Variants in CTNNA3 observed in about 807,000 individuals in gnomAD.
CTNNA3 encodes catenin alpha 3.
Under a neutral mutation model 95.7 loss-of-function variants are expected in CTNNA3, and 76 were observed. That is an observed-to-expected ratio of 0.79 (90% CI 0.66 to 0.96). The LOEUF (loss-of-function observed/expected upper bound fraction) is 0.96. CTNNA3 is among the 40% of genes least tolerant of loss of function. The pLI is 0.00. For synonymous variants in CTNNA3, 431 were observed against 374.4 expected, an observed-to-expected ratio of 1.15 and a Z score of -1.74; for missense variants, 1,191 against 1,089.8, an observed-to-expected ratio of 1.09 and a Z score of -1.31.
chr10:66,877,018 C>T (rs1482327868), intron 7 of CTNNA3, among the ~76,000 whole-genome samples: 5 of 152,084 alleles, frequency 3.3e-5, no homozygotes, highest in African/African-American at 9.7e-5. Flanking sequence ...TTGCTCTCTG[C>T]CTTTCTCTGA....
intron 7 of CTNNA3, among the ~76,000 whole-genome samples, chr10:66,898,467 A>G (rs930373016): frequency 6.6e-6 from 1 of 152,192 alleles, no homozygotes; most frequent in African/African-American, 2.4e-5. Context: ...TCAAAACAGT[A>G]TGGTGCTGGC....
rs770043934 is a variant in CTNNA3, at chr10:66,926,939, T to C, written c.1048-151415A>G. ...TTTCCAGGTTTCAATGTAATTAGGCTACTGAGCGGATCAGCTGTAGCACTG... is the reference window on the plus strand; with the variant it reads ...TTTCCAGGTTTCAATGTAATTAGGCCACTGAGCGGATCAGCTGTAGCACTG... On this transcript the variant is annotated intron_variant, in intron 7 of 17. Transcript: ENST00000433211. 105 of 1,592,894 alleles carry C rather than the reference T, an allele frequency of 6.6e-5. No homozygotes were observed. In the Middle Eastern group the frequency reaches 6.7e-4, roughly 10 times the overall value.
At chr10:66,426,932 C>T (rs558132653) in intron 11 of CTNNA3, among the ~76,000 whole-genome samples, 12 of 151,998 alleles carry the variant, frequency 7.9e-5, no homozygotes, top group African/African-American at 2.9e-4. Context: ...TCTCTTTGTG[C>T]TATATATTTC....
chr10:66,809,559 A>G (rs1469543193), intron 7 of CTNNA3, among the ~76,000 whole-genome samples: 1 of 152,134 alleles, frequency 6.6e-6, no homozygotes, highest in African/African-American at 2.4e-5. Flanking sequence ...AATGGTGATT[A>G]ATTCCTTTTT....
At chr10:67,068,662 G>A (rs969693180) in intron 7 of CTNNA3, among the ~76,000 whole-genome samples, 3 of 152,132 alleles carry the variant, frequency 2.0e-5, no homozygotes, top group Admixed American at 1.3e-4. Flanking sequence ...AGGGGAGAGA[G>A]TTTTAATAAA....
intron 5 of CTNNA3, among the ~76,000 whole-genome samples, chr10:67,402,643 G>GC (rs1218354494): frequency 1.3e-5 from 2 of 152,158 alleles, no homozygotes; most frequent in African/African-American, 4.8e-5. Flanking sequence ...CCCCACCCCA[G>GC]CCAAGGAAGT....
chr10:66,419,309 A>G (rs1345143956), intron 11 of CTNNA3, among the ~76,000 whole-genome samples: 2 of 152,118 alleles, frequency 1.3e-5, no homozygotes. Context: ...CTAGCTACCA[A>G]AAAAATTACA....
At chr10:67,542,497 T>A (rs528898764) in intron 3 of CTNNA3, among the ~76,000 whole-genome samples, 1 of 152,072 alleles carries the variant, frequency 6.6e-6, no homozygotes, top group East Asian at 1.9e-4. Context: ...AATGAATATA[T>A]GAATGAACAT....
chr10:66,475,774 A>G (rs1214566442), intron 11 of CTNNA3, among the ~76,000 whole-genome samples: 3 of 152,082 alleles, frequency 2.0e-5, no homozygotes, highest in African/African-American at 4.8e-5. Context: ...GGAAATGTAA[A>G]TTAGTTGAAA....
At chr10:66,945,114 C>T (rs1009248854) in intron 7 of CTNNA3, among the ~76,000 whole-genome samples, 7 of 152,170 alleles carry the variant, frequency 4.6e-5, no homozygotes, top group Non-Finnish European at 1.0e-4. Flanking sequence ...CTCAGCTTGT[C>T]CTTTGGAGCT....
intron 14 of CTNNA3, among the ~76,000 whole-genome samples, chr10:66,087,166 C>T (rs2081015008): frequency 6.6e-6 from 1 of 151,964 alleles, no homozygotes; most frequent in South Asian, 2.1e-4. Flanking sequence ...CCTGGTCAAA[C>T]CAATCCCCTG....
chr10:66,735,964 T>C (rs186988508), intron 9 of CTNNA3, among the ~76,000 whole-genome samples: 1 of 152,350 alleles, frequency 6.6e-6, no homozygotes, highest in East Asian at 1.9e-4. Context: ...TTCTTACCCT[T>C]GCCTTGGGAA....
At chr10:67,188,414 G>A (rs1379151702) in intron 6 of CTNNA3, among the ~76,000 whole-genome samples, 1 of 152,132 alleles carries the variant, frequency 6.6e-6, no homozygotes, top group Non-Finnish European at 1.5e-5. Context: ...AGGATCATTT[G>A]AGCCTGGCAA....
At position 67,740,462 on chromosome 10, in the gene CTNNA3, G is replaced by GA. The variant is rs748957052; in HGVS notation, c.-2+22971dup. ...ACAATGAACTCGAACAAATGTACAA[G>GA]AAAAAAACAAACAACCCCATCAAAA... On this transcript the variant is annotated intron_variant, in intron 1 of 17. Coordinates refer to the CTNNA3 transcript ENST00000684154. 1.7e-4 allele frequency among the ~76,000 whole-genome samples: 25 copies of GA among 150,984 alleles called. 2 individuals carry two copies. The highest frequency in any genetic ancestry group is 4.0e-4 in the Admixed American group (6 of 15,062).
chr10:67,192,637 T>A (rs1001604346), intron 6 of CTNNA3, among the ~76,000 whole-genome samples: 1 of 151,930 alleles, frequency 6.6e-6, no homozygotes, highest in Non-Finnish European at 1.5e-5. Context: ...AAGGGAACTT[T>A]TGCACACTGC....
At chr10:66,070,983 A>C (rs1172944741) in intron 14 of CTNNA3, among the ~76,000 whole-genome samples, 1 of 152,170 alleles carries the variant, frequency 6.6e-6, no homozygotes, top group African/African-American at 2.4e-5. Context: ...TCTCAGGGGG[A>C]ACAATAGCAG....
intron 5 of CTNNA3, among the ~76,000 whole-genome samples, chr10:67,285,581 G>C (rs2132453453): frequency 6.6e-6 from 1 of 152,212 alleles, no homozygotes; most frequent in Non-Finnish European, 1.5e-5. Context: ...ATCCAGAGGA[G>C]GCAGTCTAAA....
intron 10 of CTNNA3, among the ~76,000 whole-genome samples, chr10:66,584,009 G>A (rs577276984): frequency 1.3e-5 from 2 of 151,602 alleles, no homozygotes; most frequent in Admixed American, 6.6e-5. Flanking sequence ...TTTTGGAATC[G>A]ATTCCTAGTT....
chr10:67,260,101 C>T (rs60270555), intron 5 of CTNNA3, among the ~76,000 whole-genome samples: 2,203 of 152,210 alleles, frequency 0.014, 56 homozygotes, highest in African/African-American at 0.05. Context: ...ATTAGCGCTG[C>T]GCTAAATAAC....
Sources: gnomAD v4.1 joint callset for allele counts (sites outside exome capture counted in the v4.1 genomes callset) on GRCh38, gnomAD v4.1.1 for gene constraint, MANE v1.5 for transcripts, NCBI Gene and HGNC (gene_info 2026-07-23, HGNC 2026-07-21) for gene names.